KIF16B: variants seen among roughly 807,000 people sequenced by gnomAD.
KIF16B encodes kinesin-like protein KIF16B.
A neutral mutation model predicts 156.3 loss-of-function variants in KIF16B; 98 were observed. The ratio of observed to expected loss-of-function variants is 0.63; its 90% CI spans 0.53 to 0.74. KIF16B has a LOEUF of 0.74. Ranked by LOEUF, KIF16B falls within the 30% of genes least tolerant of loss-of-function variation. The probability of loss-of-function intolerance (pLI) is 0.00; values close to 1 mark genes in which losing one functional copy is unlikely to be tolerated. For synonymous variants in KIF16B, 564 were observed against 583.7 expected (o/e 0.97, Z 0.49); for missense variants, 1,421 against 1,606.5 (o/e 0.88, Z 1.97).
intron 23 of KIF16B, among the ~76,000 whole-genome samples, chr20:16,341,996 C>T (rs1275682303): frequency 6.6e-6 from 1 of 152,134 alleles, no homozygotes; most frequent in Non-Finnish European, 1.5e-5. Flanking sequence ...GAACGGCCTC[C>T]TCAACCACAC....
intron 13 of KIF16B, 53 bp downstream of exon 13, chr20:16,429,810 C>A: frequency 1.3e-6 from 2 of 1,510,094 alleles, no homozygotes; most frequent in Non-Finnish European, 1.8e-6. Context: ...TAGTTAGTGT[C>A]TAATGGAGAA....
At chr20:16,398,134 A>T (rs1405842408) in intron 17 of KIF16B, among the ~76,000 whole-genome samples, 1 of 152,246 alleles carries the variant, frequency 6.6e-6, no homozygotes, top group Non-Finnish European at 1.5e-5. Flanking sequence ...ATGCACAGAA[A>T]GCTTCCTGAG....
intron 12 of KIF16B, among the ~76,000 whole-genome samples, chr20:16,444,665 T>C (rs2066886482): frequency 6.6e-6 from 1 of 152,216 alleles, no homozygotes. Flanking sequence ...GTTCATAGTT[T>C]TACACAGTTA....
chr20:16,525,176 T>C (rs1365127067), intron 3 of KIF16B, among the ~76,000 whole-genome samples: 2 of 152,024 alleles, frequency 1.3e-5, no homozygotes, highest in Admixed American at 6.6e-5. Context: ...AAGCATAATT[T>C]AAAAAAGAAA....
chr20:16,510,009 G>A (rs1471795385), intron 6 of KIF16B, among the ~76,000 whole-genome samples: 1 of 152,124 alleles, frequency 6.6e-6, no homozygotes, highest in Non-Finnish European at 1.5e-5. Flanking sequence ...TTATCCTGGT[G>A]TAAAACTGAG....
chr20:16,492,693 T>C (rs1211126242), intron 12 of KIF16B, among the ~76,000 whole-genome samples: 1 of 152,130 alleles, frequency 6.6e-6, no homozygotes, highest in Non-Finnish European at 1.5e-5. Context: ...TACATTGACA[T>C]GGAGGGACGC....
At chr20:16,338,892 T>C (rs567542667) in intron 23 of KIF16B, among the ~76,000 whole-genome samples, 6 of 152,260 alleles carry the variant, frequency 3.9e-5, no homozygotes, top group Non-Finnish European at 8.8e-5. Context: ...CTCTCCATCC[T>C]CTCAGCTGAC....
At chr20:16,554,395 C>T (rs1371263665) in intron 1 of KIF16B, among the ~76,000 whole-genome samples, 2 of 152,174 alleles carry the variant, frequency 1.3e-5, no homozygotes, top group African/African-American at 4.8e-5. Context: ...GACCTGCCTG[C>T]AGAGTGGAGC....
At chr20:16,477,125 G>C (rs951995778) in intron 12 of KIF16B, among the ~76,000 whole-genome samples, 3 of 151,006 alleles carry the variant, frequency 2.0e-5, no homozygotes, top group Admixed American at 1.3e-4. Context: ...TCTAGCCCTG[G>C]GTCTACCTAA....
At chr20:16,448,180 G>A (rs1479224081) in intron 12 of KIF16B, among the ~76,000 whole-genome samples, 2 of 152,178 alleles carry the variant, frequency 1.3e-5, no homozygotes, top group Admixed American at 1.3e-4. Flanking sequence ...CATCTCCACA[G>A]GGTGGAGGAA....
intron 12 of KIF16B, among the ~76,000 whole-genome samples, chr20:16,431,296 T>C (rs1461211862): frequency 1.3e-5 from 2 of 152,162 alleles, no homozygotes; most frequent in East Asian, 3.9e-4. Context: ...TCAGGTCCTT[T>C]AAATAGCCTC....
rs148100745 is a variant in KIF16B, at chr20:16,566,788, T to C, written c.47+6441A>G. ...TTATATCTACATTATTGAATATGTGTCTGTTGAGCATTTGAAATGTGCCTA... is the reference window on the plus strand; with the variant it reads ...TTATATCTACATTATTGAATATGTGCCTGTTGAGCATTTGAAATGTGCCTA... On this transcript the variant is annotated intron_variant, in intron 1 of 25. Transcript: ENST00000354981. Among the ~76,000 whole-genome samples the C allele has an allele frequency of 8.7e-3, 1,330 of 152,360 alleles. 10 individuals are homozygous for C. Among genetic ancestry groups the C allele is most frequent in the Non-Finnish European group, 0.014 (928 of 68,030 alleles).
At chr20:16,316,606 T>C (rs1056861520) in intron 24 of KIF16B, among the ~76,000 whole-genome samples, 2 of 152,050 alleles carry the variant, frequency 1.3e-5, no homozygotes, top group Non-Finnish European at 2.9e-5. Flanking sequence ...ATGAAGAAGG[T>C]GGGGAGCAGG....
At chr20:16,534,403 G>T (rs1274416869) in intron 1 of KIF16B, among the ~76,000 whole-genome samples, 1 of 152,162 alleles carries the variant, frequency 6.6e-6, no homozygotes, top group African/African-American at 2.4e-5. Context: ...TGAGTTCCTT[G>T]TATATTCTGG....
At position 16,405,431 on chromosome 20, in the gene KIF16B, G is replaced by C. The variant is rs375084738; in HGVS notation, c.1696-530C>G. 1.4e-4 allele frequency among the ~76,000 whole-genome samples: 21 copies of C among 152,284 alleles called. No individual in the cohort carries two copies. The East Asian group carries it at 3.9e-3, about 28-fold the overall frequency. ...GACCCTCTAGGGAGACCCTGGGCTA[G>C]AGCAGATAAGAGGCTCCACTGGCCG... On this transcript the variant is annotated intron_variant, in intron 16 of 25. Coordinates refer to ENST00000354981, the MANE Select transcript of KIF16B (RefSeq NM_024704.5).
intron 15 of KIF16B, among the ~76,000 whole-genome samples, chr20:16,426,052 G>C (rs1011809148): frequency 1.3e-5 from 2 of 152,034 alleles, no homozygotes; most frequent in Non-Finnish European, 2.9e-5. Flanking sequence ...ACTATCACGA[G>C]AACAGCAAGG....
Position 16,562,158 on chromosome 20 carries a change from A to T in KIF16B, c.47+11071T>A, listed in dbSNP as rs149547479. ...AATCTACAATTATTTCAAAATAAAA[A>T]TTTTTTAAAATATCTTTTCTGAAGA... On this transcript the variant is annotated intron_variant, in intron 1 of 25. Transcript: ENST00000354981. 2.1e-4 allele frequency among the ~76,000 whole-genome samples: 32 copies of T among 152,324 alleles called. No homozygotes were observed. The South Asian group carries it at 6.0e-3, about 29-fold the overall frequency.
chr20:16,384,429 C>T (rs1457651897), intron 17 of KIF16B, among the ~76,000 whole-genome samples: 2 of 152,056 alleles, frequency 1.3e-5, no homozygotes, highest in Non-Finnish European at 2.9e-5. Flanking sequence ...TATAGAAACT[C>T]AAGGAAAGCT....
chr20:16,420,698 GT>G (rs947408115), intron 15 of KIF16B, among the ~76,000 whole-genome samples: 4 of 150,956 alleles, frequency 2.6e-5, no homozygotes, highest in African/African-American at 7.4e-5. Flanking sequence ...GCCTCAAAAG[GT>G]TTGTTTGTTT....
Sources: gnomAD v4.1 joint callset for allele counts (sites outside exome capture counted in the v4.1 genomes callset) on GRCh38, gnomAD v4.1.1 for gene constraint, MANE v1.5 for transcripts, NCBI Gene and HGNC (gene_info 2026-07-23, HGNC 2026-07-21) for gene names.